RGS7: variants seen among roughly 807,000 people sequenced by gnomAD.
The protein encoded by RGS7 is regulator of G protein signaling 7, also known as regulator of G-protein signaling 7.
A neutral mutation model predicts 81.1 loss-of-function variants in RGS7; 27 were observed. The observed-to-expected ratio is 0.33, with a 90% CI of 0.25 to 0.46. The LOEUF is 0.46. RGS7 is among the 20% of genes least tolerant of loss of function. The pLI is 1.00. For missense variants in RGS7, 396 were observed against 607.4 expected, an observed-to-expected ratio of 0.65 and a Z score of 3.66; for synonymous variants, 208 against 207.7, an observed-to-expected ratio of 1.00 and a Z score of -0.01.
intron 2 of RGS7, among the ~76,000 whole-genome samples, chr1:241,213,141 C>A (rs2074343204): frequency 6.6e-6 from 1 of 152,168 alleles, no homozygotes; most frequent in African/African-American, 2.4e-5. Flanking sequence ...TATTAGAATG[C>A]TTCCAAAGGA....
intron 9 of RGS7, among the ~76,000 whole-genome samples, chr1:240,867,023 A>G (rs145155863): frequency 2.6e-5 from 4 of 152,328 alleles, no homozygotes; most frequent in African/African-American, 7.2e-5. Flanking sequence ...CAAACAAAAA[A>G]AATAAAAATC....
intron 11 of RGS7, among the ~76,000 whole-genome samples, 192 bp downstream of exon 11, chr1:240,816,124 TA>T (rs1572222445): frequency 6.6e-6 from 1 of 152,252 alleles, no homozygotes; most frequent in African/African-American, 2.4e-5. Context: ...CATTACCATA[TA>T]TTGATACATT....
intron 2 of RGS7, among the ~76,000 whole-genome samples, chr1:241,323,986 T>C (rs2081350503): frequency 6.6e-6 from 1 of 152,188 alleles, no homozygotes; most frequent in African/African-American, 2.4e-5. Flanking sequence ...TTATTTAGTC[T>C]CTCTTAGTCT....
Position 241,145,189 on chromosome 1 carries a change from T to C in RGS7, c.79-46427A>G, listed in dbSNP as rs549895833. 3.4e-4 allele frequency among the ~76,000 whole-genome samples: 52 copies of C among 152,152 alleles called. 1 individual carries two copies. The South Asian group carries it at 4.0e-3, about 12-fold the overall frequency. On this transcript the variant is annotated intron_variant, in intron 2 of 18. Coordinates refer to ENST00000440928, the MANE Select transcript of RGS7 (RefSeq NM_001364886.1). The stretch of plus-strand genomic sequence containing the variant: ...CTGCCACCATGCCCAGCTAATTTTT[T>C]GTATTTTTAGTAGAGACGGGGTTTC...
rs191555463 is a variant in RGS7 at position 241,125,903 on chromosome 1, A to G, written c.79-27141T>C. ...TCAGTAATCCTTGCAGCTTCCCCCA[A>G]TGAGAGGAAAAAATGCCCTTATCTC... is the stretch of plus-strand genomic sequence containing the variant. On this transcript the variant is annotated intron_variant, in intron 2 of 18. Coordinates refer to ENST00000440928, the MANE Select transcript of RGS7 (RefSeq NM_001364886.1). Among the ~76,000 whole-genome samples the G allele has an allele frequency of 9.5e-4, 144 of 152,188 alleles. 1 individual carries two copies. The highest frequency in any genetic ancestry group is 1.8e-3 in the African/African-American group (74 of 41,504).
chr1:241,113,628 G>A (rs548967731), intron 2 of RGS7, among the ~76,000 whole-genome samples: 5 of 152,272 alleles, frequency 3.3e-5, no homozygotes, highest in African/African-American at 9.6e-5. Context: ...TGTAAAGAAC[G>A]TGGCCTTTGT....
intron 4 of RGS7, among the ~76,000 whole-genome samples, chr1:240,942,398 G>C (rs930189192): frequency 2.0e-5 from 3 of 152,142 alleles, no homozygotes; most frequent in Non-Finnish European, 4.4e-5. Flanking sequence ...TCAACTTCTT[G>C]CAGCCTCCTC....
At chr1:240,921,119 G>C (rs1673460611) in intron 6 of RGS7, among the ~76,000 whole-genome samples, 1 of 152,004 alleles carries the variant, frequency 6.6e-6, no homozygotes, top group Non-Finnish European at 1.5e-5. Flanking sequence ...TGCTATAGTT[G>C]AACTGATAGT....
chr1:240,871,762 CCT>C (rs1664531525), intron 6 of RGS7, among the ~76,000 whole-genome samples: 1 of 152,134 alleles, frequency 6.6e-6, no homozygotes, highest in Admixed American at 6.6e-5. Context: ...GTGAAATACC[CCT>C]GAGGGTGTCT....
chr1:241,140,393 A>C (rs1017890859), intron 2 of RGS7, among the ~76,000 whole-genome samples: 3 of 151,864 alleles, frequency 2.0e-5, no homozygotes, highest in Admixed American at 1.3e-4. Context: ...GGGTCCCTTA[A>C]CCTTGTCAAC....
chr1:240,961,486 A>G (rs918444410), intron 4 of RGS7, among the ~76,000 whole-genome samples: 1 of 152,210 alleles, frequency 6.6e-6, no homozygotes, highest in African/African-American at 2.4e-5. Flanking sequence ...TAATATGTGC[A>G]TGTTTATTTT....
At chr1:240,929,529 C>T (rs1281562612) in intron 6 of RGS7, among the ~76,000 whole-genome samples, 2 of 151,948 alleles carry the variant, frequency 1.3e-5, no homozygotes, top group Non-Finnish European at 2.9e-5. Context: ...TAGAGCCTGA[C>T]CATTCTTGGA....
intron 2 of RGS7, among the ~76,000 whole-genome samples, chr1:241,149,702 A>G (rs1231307152): frequency 1.3e-5 from 2 of 152,224 alleles, no homozygotes; most frequent in East Asian, 1.9e-4. Context: ...GGAGATAACT[A>G]AAGAGGCTGC....
At chr1:241,127,068 A>G (rs2066714099) in intron 2 of RGS7, among the ~76,000 whole-genome samples, 1 of 152,178 alleles carries the variant, frequency 6.6e-6, no homozygotes, top group Admixed American at 6.5e-5. Context: ...ATATGCACAT[A>G]AACATTTAAA....
In RGS7 at chr1:240,944,954, G is replaced by C. The variant is rs371353686; in HGVS notation, c.227-8248C>G. 1.6e-4 allele frequency among the ~76,000 whole-genome samples: 25 copies of C among 152,352 alleles called. 3 individuals are homozygous for C. The highest frequency in any genetic ancestry group is 6.2e-4 in the South Asian group (3 of 4,832). On this transcript the variant is annotated intron_variant, in intron 4 of 18. Coordinates refer to ENST00000440928, the MANE Select transcript of RGS7 (RefSeq NM_001364886.1). ...TCTCTATCTCTTGACCTCGTGATCT[G>C]CCTGCCTCGGCCTTCCCAAGCATTG...
At chr1:241,289,986 T>C (rs979581090) in intron 2 of RGS7, among the ~76,000 whole-genome samples, 1 of 152,238 alleles carries the variant, frequency 6.6e-6, no homozygotes, top group Non-Finnish European at 1.5e-5. Context: ...GCAAACTTTC[T>C]TATTGCTCTA....
In RGS7 at chr1:240,921,588, CA is replaced by C. The variant is rs1239998885; in HGVS notation, c.385+9128del. Among the ~76,000 whole-genome samples, 3 of 151,808 alleles carry C rather than the reference CA, an allele frequency of 2.0e-5. No individual in the cohort carries two copies. The East Asian group carries it at 5.8e-4, about 29-fold the overall frequency. On this transcript the variant is annotated intron_variant, in intron 6 of 18. Transcript: ENST00000440928. Reference sequence around the variant, plus strand: ...GTGATCATAGCAAAGTTGCAGGGTACAAAAAAAGTCAGCGGTTTTCCTATGT... The same window carrying C: ...GTGATCATAGCAAAGTTGCAGGGTACAAAAAAGTCAGCGGTTTTCCTATGT...
At chr1:240,971,261 C>G (rs1434455638) in intron 4 of RGS7, among the ~76,000 whole-genome samples, 1 of 152,180 alleles carries the variant, frequency 6.6e-6, no homozygotes, top group East Asian at 1.9e-4. Flanking sequence ...GCACCTTGAC[C>G]TTGGACTTCC....
At chr1:241,018,835 C>T (rs1447325521) in intron 3 of RGS7, among the ~76,000 whole-genome samples, 3 of 152,032 alleles carry the variant, frequency 2.0e-5, no homozygotes, top group Admixed American at 6.6e-5. Context: ...GTCATATACC[C>T]TGATAATTAG....
Sources: gnomAD v4.1 joint callset for allele counts (sites outside exome capture counted in the v4.1 genomes callset) on GRCh38, gnomAD v4.1.1 for gene constraint, MANE v1.5 for transcripts, NCBI Gene and HGNC (gene_info 2026-07-23, HGNC 2026-07-21) for gene names.